The following PIK3AP1 variants were observed in gnomAD, a reference collection of about 807,000 sequenced individuals.
PIK3AP1 encodes phosphoinositide 3-kinase adapter protein 1.
A neutral mutation model predicts 88.1 loss-of-function variants in PIK3AP1; 21 were observed. The observed-to-expected ratio is 0.24, with a 90% confidence interval of 0.17 to 0.34. The LOEUF is 0.34. PIK3AP1 is among the 10% of genes least tolerant of loss of function. The probability of loss-of-function intolerance (pLI) is 1.00; values close to 1 mark genes in which losing one functional copy is unlikely to be tolerated. For synonymous variants in PIK3AP1, 398 were observed against 400.0 expected (o/e 1.00, Z 0.06); for missense variants, 828 against 1,035.7 (o/e 0.80, Z 2.75).
rs1441377491 is a variant in PIK3AP1, at chr10:96,620,338, A to T, written c.1941+14T>A. 6.2e-7 allele frequency: 1 copy of T among 1,613,032 alleles called. No homozygotes were observed. The highest frequency in any genetic ancestry group is 8.5e-7 in the Non-Finnish European group (1 of 1,179,148). ...GAAATAGACATGAAACAAATTCCAT[A>T]CGAAGCTAGTTACCTGCTGGAAACG... is the stretch of plus-strand genomic sequence containing the variant. On this transcript the variant is annotated intron_variant, in intron 12 of 16. Transcript: ENST00000339364.
chr10:96,642,458 GA>G (rs71034393), intron 8 of PIK3AP1, among the ~76,000 whole-genome samples: 8 of 66,254 alleles, frequency 1.2e-4, no homozygotes, highest in Non-Finnish European at 2.1e-4. Flanking sequence ...AAGAAAGAAA[GA>G]AAAAAAGAGA....
At chr10:96,597,271 T>TTCCTTCCTTCCTTCC (rs1848776068) in intron 16 of PIK3AP1, among the ~76,000 whole-genome samples, 3 of 107,530 alleles carry the variant, frequency 2.8e-5, no homozygotes, top group African/African-American at 8.3e-5. Flanking sequence ...TCTTTCTTTC[T>TTCCTTCCTTCCTTCC]TTCCTTCCTT....
intron 2 of PIK3AP1, among the ~76,000 whole-genome samples, chr10:96,684,179 G>A (rs1476945453): frequency 6.6e-6 from 1 of 152,066 alleles, no homozygotes; most frequent in Non-Finnish European, 1.5e-5. Flanking sequence ...CATTCTTAAA[G>A]CTTCTCAGCC....
At chr10:96,686,263 A>G (rs1844066670) in intron 2 of PIK3AP1, among the ~76,000 whole-genome samples, 1 of 152,302 alleles carries the variant, frequency 6.6e-6, no homozygotes, top group South Asian at 2.1e-4. Flanking sequence ...CAAGACTTCA[A>G]CCCAACAGCC....
chr10:96,705,850 G>T (rs1017406742), intron 2 of PIK3AP1, among the ~76,000 whole-genome samples: 18 of 147,306 alleles, frequency 1.2e-4, no homozygotes, highest in Admixed American at 3.4e-4. Flanking sequence ...AAAGTGCTGG[G>T]ATTACAGGCA....
intron 16 of PIK3AP1, among the ~76,000 whole-genome samples, chr10:96,600,310 T>G (rs1848865796): frequency 6.6e-6 from 1 of 152,222 alleles, no homozygotes; most frequent in Non-Finnish European, 1.5e-5. Context: ...ATTTAGTATG[T>G]TTAACGGAAT....
intron 2 of PIK3AP1, among the ~76,000 whole-genome samples, chr10:96,679,943 T>G (rs1034759341): frequency 3.3e-5 from 5 of 151,832 alleles, no homozygotes; most frequent in Non-Finnish European, 7.4e-5. Context: ...CCCAGGGGAG[T>G]GCCATGCAAT....
Position 96,599,365 on chromosome 10 carries a change from T to A in PIK3AP1, c.2360+2915A>T, listed in dbSNP as rs145862747. On this transcript the variant is annotated intron_variant, in intron 16 of 16. Transcript: ENST00000339364. ...TTGAGATATTGGTGGGGTCCCTGAA[T>A]GAAGATCCCCAGTCAACTGCAGGAA... 2.6e-5 allele frequency among the ~76,000 whole-genome samples: 4 copies of A among 152,260 alleles called. No individual in the cohort carries two copies. In the East Asian group the frequency reaches 7.7e-4, roughly 29 times the overall value.
In PIK3AP1 at chr10:96,709,832, T is replaced by C. The variant is rs200137134; in HGVS notation, c.165A>G (p.Ala55=). The C allele has an allele frequency of 1.2e-6, 2 of 1,614,002 alleles. No homozygotes were observed. Among genetic ancestry groups the C allele is most frequent in the African/African-American group, 2.7e-5 (2 of 75,080 alleles). ...HRLGPEASFS[A]EDLSLFLSTR... The stretch of plus-strand genomic sequence containing the variant: ...TGCTGAGGAAAAGGCTTAGGTCCTC[T>C]GCCGAGAAGGAGGCCTCGGGGCCCA... Residue 55 remains alanine (A), a synonymous_variant, in exon 2 of 17, where the codon GCA becomes GCG. Transcript: ENST00000339364.
At chr10:96,684,844 C>T (rs1443900864) in intron 2 of PIK3AP1, among the ~76,000 whole-genome samples, 4 of 152,164 alleles carry the variant, frequency 2.6e-5, no homozygotes, top group Admixed American at 2.6e-4. Flanking sequence ...GCAGTTGAGG[C>T]GGCACTCTCT....
Position 96,626,831 on chromosome 10 carries a change from C to T in PIK3AP1, c.1546G>A (p.Val516Met). 6.2e-7 allele frequency: 1 copy of T among 1,614,192 alleles called. No individual in the cohort carries two copies. Among genetic ancestry groups the T allele is most frequent in the Non-Finnish European group, 8.5e-7 (1 of 1,179,978 alleles). ...LGQEEDVYHTVDDDEAFSVDL... is the reference protein window; with the variant it reads ...LGQEEDVYHTMDDDEAFSVDL... ...ACAGAAAAGGCCTCATCGTCATCCA[C>T]CGTGTGATAAACATCTTCTTCCTGA... Residue 516 changes from valine to methionine, a missense_variant, in exon 10 of 17, where the codon GTG becomes ATG. Val to Met is a conservative substitution (Grantham distance 21, BLOSUM62 1). This residue lies in a region of PIK3AP1 where 610 missense variants were observed against 760.1 expected (regional missense o/e 0.80). Coordinates refer to ENST00000339364, the MANE Select transcript of PIK3AP1 (RefSeq NM_152309.3).
At chr10:96,633,086 G>A in intron 8 of PIK3AP1, 1 of 1,560,202 alleles carries the variant, frequency 6.4e-7, no homozygotes, top group Non-Finnish European at 8.7e-7. Context: ...TTCTCTCATA[G>A]CAACTCCAGA....
At chr10:96,618,397 G>A (rs756431581) in intron 12 of PIK3AP1, among the ~76,000 whole-genome samples, 31 of 152,232 alleles carry the variant, frequency 2.0e-4, no homozygotes, top group Non-Finnish European at 3.1e-4. Flanking sequence ...GATAAGACAC[G>A]TAAATTATGT....
intron 10 of PIK3AP1, among the ~76,000 whole-genome samples, chr10:96,624,576 C>T (rs1028219909): frequency 6.6e-6 from 1 of 151,876 alleles, no homozygotes; most frequent in African/African-American, 2.4e-5. Context: ...GCCCATAATC[C>T]CAGCATTTTG....
chr10:96,697,258 A>C (rs17484770), intron 2 of PIK3AP1, among the ~76,000 whole-genome samples: 17,660 of 152,236 alleles, frequency 0.12, 1,294 homozygotes, highest in South Asian at 0.23. Context: ...CAATAACACA[A>C]ACCAATACCA....
rs1341667805 is a variant in PIK3AP1 at position 96,594,884 on chromosome 10, G to C, written c.*693C>G. The C allele has an allele frequency of 6.6e-6, 1 of 152,294 alleles. No homozygotes were observed. Among genetic ancestry groups the C allele is most frequent in the African/African-American group, 2.4e-5 (1 of 41,464 alleles). The allele number at this position is 152,294 out of a possible 1,614,324, so 9.4% of individuals were successfully genotyped here. A position where few individuals can be genotyped will look rare whatever the true frequency, so the allele number is the denominator to read the frequency against. ...ACATCTGGGCATTTCTTGAGGGAGA[G>C]AGGGCCTGGCTATTTGGAGATGGAA... is the stretch of plus-strand genomic sequence containing the variant. On this transcript the variant is annotated 3_prime_UTR_variant, in exon 17 of 17. Transcript: ENST00000339364. This position sits in a 1 kb window ranked among gnomAD's most constrained non-coding sequence, Gnocchi z 4.6.
At chr10:96,706,877 C>T (rs576460993) in intron 2 of PIK3AP1, among the ~76,000 whole-genome samples, 2 of 152,284 alleles carry the variant, frequency 1.3e-5, no homozygotes, top group African/African-American at 4.8e-5. Context: ...ATCCTAGCAC[C>T]GACAGAGATC....
chr10:96,620,313 G>A, intron 12 of PIK3AP1, 39 bp downstream of exon 12: 1 of 1,601,726 alleles, frequency 6.2e-7, no homozygotes, highest in Non-Finnish European at 8.5e-7. Context: ...GTCAAGTGGG[G>A]AAATAGACAT....
chr10:96,686,391 G>C (rs779016623), intron 2 of PIK3AP1, among the ~76,000 whole-genome samples: 3 of 152,124 alleles, frequency 2.0e-5, no homozygotes, highest in African/African-American at 7.2e-5. Flanking sequence ...ACTCTAGCTC[G>C]GGAACCAAAC....
Sources: gnomAD v4.1 joint callset for allele counts (sites outside exome capture counted in the v4.1 genomes callset) on GRCh38, gnomAD v4.1.1 for gene constraint, gnomAD v4.1.1 regional missense constraint, Gnocchi (gnomAD v3.1) non-coding constraint, MANE v1.5 for transcripts, NCBI Gene and HGNC (gene_info 2026-07-23, HGNC 2026-07-21) for gene names.